NAA11: variants seen among roughly 807,000 people sequenced by gnomAD.
NAA11 encodes the protein N-alpha-acetyltransferase 11.
In NAA11, 15 loss-of-function variants were observed where a neutral mutation model predicts 16.1. That is an observed-to-expected ratio of 0.93 (90% CI 0.62 to 1.44). The LOEUF is 1.44. NAA11 is among the 40% of genes most tolerant of loss of function. NAA11 has a pLI of 0.00. For synonymous variants in NAA11, 122 were observed against 112.4 expected, an observed-to-expected ratio of 1.09 and a Z score of -0.54; for missense variants, 298 against 291.3, an observed-to-expected ratio of 1.02 and a Z score of -0.17.
chr4:79,202,623 T>TTATATATATATATATATATATATA, the NAA11 span, among the ~76,000 whole-genome samples: 2,369 of 52,180 alleles, frequency 0.045, 372 homozygotes, highest in East Asian at 0.099. Context: ...ATATATAGTT[T>TTATATATATATATATATATATATA]TATATATATA....
downstream of NAA11, among the ~76,000 whole-genome samples, chr4:79,315,433 T>C (rs982817516): frequency 6.6e-6 from 1 of 152,154 alleles, no homozygotes; most frequent in Admixed American, 6.6e-5. Flanking sequence ...CCACACAGAC[T>C]CTAACTAGGA....
At chr4:79,247,986 G>T (rs746419746) in intron 2 of NAA11, among the ~76,000 whole-genome samples, 1 of 152,170 alleles carries the variant, frequency 6.6e-6, no homozygotes, top group Non-Finnish European at 1.5e-5. Flanking sequence ...ATCTCCCAAG[G>T]CTTGCCTTGC....
chr4:79,232,817 G>A (rs1361524851), intron 2 of NAA11, among the ~76,000 whole-genome samples: 1 of 151,908 alleles, frequency 6.6e-6, no homozygotes, highest in East Asian at 1.9e-4. Flanking sequence ...TCTAGATTGA[G>A]TCATGCTCTG....
chr4:79,271,311 C>A (rs1722487286), intron 2 of NAA11, among the ~76,000 whole-genome samples: 1 of 140,668 alleles, frequency 7.1e-6, no homozygotes, highest in Non-Finnish European at 1.5e-5. Flanking sequence ...ACCTAGGAAT[C>A]CAACTTACAA....
At chr4:79,227,546 C>G (rs111870722) in intron 2 of NAA11, 1 of 151,766 alleles carries the variant, frequency 6.6e-6, no homozygotes. Context: ...CAGTGGTGTC[C>G]CAGAAACCAA....
At chr4:79,252,373 C>A (rs1374489028) in intron 2 of NAA11, among the ~76,000 whole-genome samples, 1 of 151,858 alleles carries the variant, frequency 6.6e-6, no homozygotes, top group Non-Finnish European at 1.5e-5. Flanking sequence ...TTATTGAGCA[C>A]CTAAAATGCA....
the NAA11 span, among the ~76,000 whole-genome samples, chr4:79,162,417 A>T: frequency 4.0e-4 from 61 of 152,324 alleles, no homozygotes; most frequent in Admixed American, 6.5e-4. Flanking sequence ...TTGACATGGA[A>T]AAAGAGACAT....
At chr4:79,215,789 G>C in the NAA11 span, among the ~76,000 whole-genome samples, 1 of 152,124 alleles carries the variant, frequency 6.6e-6, no homozygotes, top group Non-Finnish European at 1.5e-5. Flanking sequence ...ATAAAATGAG[G>C]ATAATAGTAG....
At chr4:79,217,518 C>G in the NAA11 span, among the ~76,000 whole-genome samples, 1 of 152,124 alleles carries the variant, frequency 6.6e-6, no homozygotes, top group Non-Finnish European at 1.5e-5. Context: ...GAGGTAGATG[C>G]AATCTTTAAT....
At chr4:79,307,335 AC>A (rs1723621151) in intron 1 of NAA11, 1 of 152,228 alleles carries the variant, frequency 6.6e-6, no homozygotes, top group South Asian at 2.1e-4. Context: ...AAAAATAAAA[AC>A]ATCTCTAAAT....
chr4:79,286,890 C>A (rs1208200860), intron 2 of NAA11, among the ~76,000 whole-genome samples: 4 of 151,858 alleles, frequency 2.6e-5, no homozygotes, highest in Non-Finnish European at 2.9e-5. Context: ...AGTTCTTTAC[C>A]CCCATCACCC....
chr4:79,255,746 C>G (rs1202482013), intron 2 of NAA11, among the ~76,000 whole-genome samples: 2 of 152,202 alleles, frequency 1.3e-5, no homozygotes, highest in African/African-American at 4.8e-5. Context: ...AAGAAAGCAG[C>G]TTTATTGAAG....
At chr4:79,297,786 A>G (rs1452741601) in intron 1 of NAA11, among the ~76,000 whole-genome samples, 1 of 152,160 alleles carries the variant, frequency 6.6e-6, no homozygotes, top group Non-Finnish European at 1.5e-5. Flanking sequence ...CCTGGGTGCC[A>G]TGGACAGCAG....
chr4:79,203,263 A>T, the NAA11 span, among the ~76,000 whole-genome samples: 2 of 151,772 alleles, frequency 1.3e-5, no homozygotes, highest in Admixed American at 1.3e-4. Context: ...GGGTAGTCAA[A>T]TGAATATATT....
intron 1 of NAA11, among the ~76,000 whole-genome samples, chr4:79,296,262 A>T (rs573796003): frequency 6.6e-6 from 1 of 152,346 alleles, no homozygotes; most frequent in Admixed American, 6.5e-5. Flanking sequence ...ACATGAGGAA[A>T]TTAAGGCACA....
chr4:79,252,757 A>G (rs931091131), intron 2 of NAA11, among the ~76,000 whole-genome samples: 9 of 152,208 alleles, frequency 5.9e-5, no homozygotes, highest in African/African-American at 2.2e-4. Context: ...AAGAGGAGTG[A>G]GAGAAGTGGA....
At chr4:79,179,524 C>A in the NAA11 span, among the ~76,000 whole-genome samples, 2 of 152,088 alleles carry the variant, frequency 1.3e-5, no homozygotes, top group African/African-American at 4.8e-5. Flanking sequence ...AATATCATTC[C>A]CAAACCATTT....
At chr4:79,312,479 C>T (rs1033276885), downstream of NAA11, among the ~76,000 whole-genome samples, 1 of 151,788 alleles carries the variant, frequency 6.6e-6, no homozygotes, top group African/African-American at 2.4e-5. Flanking sequence ...GGTGAAACCC[C>T]ATCTCTACTA....
chr4:79,199,716 C>T, the NAA11 span, among the ~76,000 whole-genome samples: 1 of 151,808 alleles, frequency 6.6e-6, no homozygotes, highest in African/African-American at 2.4e-5. Context: ...TGTGGCTGGT[C>T]AGTTGTTATA....
Sources: gnomAD v4.1 joint callset for allele counts (sites outside exome capture counted in the v4.1 genomes callset) on GRCh38, gnomAD v4.1.1 for gene constraint, MANE v1.5 for transcripts, NCBI Gene and HGNC (gene_info 2026-07-23, HGNC 2026-07-21) for gene names.